MCPH1: variants seen among roughly 807,000 people sequenced by gnomAD.
The protein encoded by MCPH1 is microcephalin 1, also known as microcephalin.
Under a neutral mutation model 84.5 loss-of-function variants are expected in MCPH1, and 104 were observed. The ratio of observed to expected loss-of-function variants is 1.23; its 90% CI spans 1.05 to 1.45. The LOEUF is 1.45. MCPH1 is among the 40% of genes most tolerant of loss of function. The pLI, the probability that MCPH1 is intolerant of heterozygous loss-of-function variation, is 0.00. For synonymous variants in MCPH1, 514 were observed against 366.8 expected, an observed-to-expected ratio of 1.40 and a Z score of -4.58; for missense variants, 1,498 against 1,005.7, an observed-to-expected ratio of 1.49 and a Z score of -6.62.
At chr8:6,461,081 G>A (rs1012514303) in intron 9 of MCPH1, among the ~76,000 whole-genome samples, 2 of 152,080 alleles carry the variant, frequency 1.3e-5, no homozygotes, top group African/African-American at 2.4e-5. Flanking sequence ...AGATGAACAC[G>A]TAGGTCAGTT....
At chr8:6,430,098 T>G (rs1801624928) in intron 3 of MCPH1, among the ~76,000 whole-genome samples, 1 of 152,260 alleles carries the variant, frequency 6.6e-6, no homozygotes. Flanking sequence ...CACATCTGCC[T>G]CCTTGTCAGA....
At chr8:6,448,743 T>A (rs1222202999) in intron 8 of MCPH1, among the ~76,000 whole-genome samples, 1 of 152,206 alleles carries the variant, frequency 6.6e-6, no homozygotes, top group African/African-American at 2.4e-5. Flanking sequence ...TGTCATATAT[T>A]TACATATTGG....
At chr8:6,625,066 G>A in intron 13 of MCPH1, 1 of 552,820 alleles carries the variant, frequency 1.8e-6, no homozygotes, top group Non-Finnish European at 2.3e-6. Context: ...GTAGAGATGA[G>A]GTTTCACCAT....
chr8:6,583,396 C>G (rs1350304589), intron 12 of MCPH1, among the ~76,000 whole-genome samples: 1 of 152,178 alleles, frequency 6.6e-6, no homozygotes, highest in Non-Finnish European at 1.5e-5. Context: ...TTACTGAAGA[C>G]TTTTCTTGCG....
At chr8:6,585,620 C>T (rs1418855895) in intron 12 of MCPH1, among the ~76,000 whole-genome samples, 1 of 152,238 alleles carries the variant, frequency 6.6e-6, no homozygotes, top group Non-Finnish European at 1.5e-5. Context: ...TTATTTGTGA[C>T]ATCAGGCATC....
intron 7 of MCPH1, among the ~76,000 whole-genome samples, chr8:6,442,738 C>G (rs774884430): frequency 1.3e-5 from 2 of 152,194 alleles, no homozygotes; most frequent in African/African-American, 2.4e-5. Flanking sequence ...GTTTCTTCAC[C>G]TAGTCCCCAG....
intron 12 of MCPH1, among the ~76,000 whole-genome samples, chr8:6,522,897 C>T (rs73522649): frequency 0.01 from 1,590 of 152,300 alleles, 30 homozygotes; most frequent in African/African-American, 0.036. Flanking sequence ...CTGCTTCTCT[C>T]CTTTTAATGT....
chr8:6,425,261 A>C (rs1284237748), intron 3 of MCPH1, among the ~76,000 whole-genome samples: 6 of 152,190 alleles, frequency 3.9e-5, no homozygotes, highest in Non-Finnish European at 8.8e-5. Flanking sequence ...CTGTTTAGAG[A>C]CATCTCTTGA....
At chr8:6,446,420 A>T in intron 8 of MCPH1, 1 of 985,392 alleles carries the variant, frequency 1.0e-6, no homozygotes, top group South Asian at 4.7e-5. Context: ...TAGCGTTTGA[A>T]ATCATCACAG....
chr8:6,436,009 T>G, intron 4 of MCPH1, 39 bp from the exon 5 acceptor site: 1 of 1,609,874 alleles, frequency 6.2e-7, no homozygotes, highest in East Asian at 2.2e-5. Flanking sequence ...CCTTAAGCAG[T>G]TGCAGTACAG....
intron 3 of MCPH1, among the ~76,000 whole-genome samples, chr8:6,424,678 T>A (rs1161255732): frequency 6.6e-6 from 1 of 152,232 alleles, no homozygotes; most frequent in African/African-American, 2.4e-5. Context: ...AGTGGATGTG[T>A]AGCCATTTAG....
At chr8:6,447,902 T>G (rs1277815157) in intron 8 of MCPH1, among the ~76,000 whole-genome samples, 1 of 152,154 alleles carries the variant, frequency 6.6e-6, no homozygotes, top group Non-Finnish European at 1.5e-5. Context: ...CTTTTTTACT[T>G]TTTTATTCTC....
rs112414930 is a variant in MCPH1, at chr8:6,472,579, G to T, written c.1936-5015G>T. ...CTCCTGGGTTTCAAGCCATTCTCCT[G>T]CCCCAGCCTCCCAAGTAGCTGGGAT... On this transcript the variant is annotated intron_variant, in intron 9 of 13. Transcript: ENST00000344683. Among the ~76,000 whole-genome samples the T allele has an allele frequency of 8.7e-3, 1,321 of 152,072 alleles. 26 individuals are homozygous for T. Among genetic ancestry groups the T allele is most frequent in the African/African-American group, 0.03 (1,231 of 41,456 alleles).
chr8:6,482,886 G>A (rs1220709300), intron 11 of MCPH1, among the ~76,000 whole-genome samples: 4 of 152,134 alleles, frequency 2.6e-5, no homozygotes, highest in Admixed American at 1.3e-4. Flanking sequence ...AGAACCTGGG[G>A]CACTCAGACA....
chr8:6,506,310 C>T (rs950538998), intron 12 of MCPH1, among the ~76,000 whole-genome samples: 3 of 151,960 alleles, frequency 2.0e-5, no homozygotes, highest in Non-Finnish European at 2.9e-5. Context: ...ATGGTCCAGA[C>T]CACTGGCTGG....
chr8:6,434,514 C>A (rs551747992), intron 4 of MCPH1, among the ~76,000 whole-genome samples: 1 of 152,316 alleles, frequency 6.6e-6, no homozygotes, highest in African/African-American at 2.4e-5. Flanking sequence ...AATGAACCTC[C>A]CAAGACACAT....
At chr8:6,521,637 C>G (rs753093644) in intron 12 of MCPH1, among the ~76,000 whole-genome samples, 4 of 152,112 alleles carry the variant, frequency 2.6e-5, no homozygotes, top group Admixed American at 2.6e-4. Flanking sequence ...TACATGCAGA[C>G]TTATGCATAC....
At chr8:6,595,803 C>G (rs564787080) in intron 12 of MCPH1, among the ~76,000 whole-genome samples, 7 of 152,302 alleles carry the variant, frequency 4.6e-5, no homozygotes, top group African/African-American at 1.7e-4. Flanking sequence ...AGAGTTGATG[C>G]AGACAGTAAT....
chr8:6,529,734 G>A (rs1287142544), intron 12 of MCPH1, among the ~76,000 whole-genome samples: 4 of 150,752 alleles, frequency 2.7e-5, no homozygotes, highest in Non-Finnish European at 5.9e-5. Context: ...CAAAGTGCTA[G>A]GATTATAGAT....
Sources: gnomAD v4.1 joint callset for allele counts (sites outside exome capture counted in the v4.1 genomes callset) on GRCh38, gnomAD v4.1.1 for gene constraint, MANE v1.5 for transcripts, NCBI Gene and HGNC (gene_info 2026-07-23, HGNC 2026-07-21) for gene names.